The following NAAA variants were observed in gnomAD, a reference collection of about 807,000 sequenced individuals.
NAAA encodes the protein N-acylethanolamine-hydrolyzing acid amidase.
A neutral mutation model predicts 44.8 loss-of-function variants in NAAA; 39 were observed. The observed-to-expected ratio is 0.87, with a 90% confidence interval of 0.67 to 1.14. NAAA has a LOEUF of 1.14. Among genes scored for constraint, NAAA ranks in the 50% most tolerant of loss-of-function variants. NAAA has a pLI of 0.00. For synonymous variants in NAAA, 178 were observed against 191.3 expected (o/e 0.93, Z 0.58); for missense variants, 460 against 467.8 (o/e 0.98, Z 0.15).
chr4:75,914,938 T>C lies in NAAA; in HGVS notation c.1046A>G (p.Tyr349Cys), dbSNP rs767268796. The C allele has an allele frequency of 6.2e-7, 1 of 1,614,134 alleles. No individual in the cohort carries two copies. The highest frequency in any genetic ancestry group is 1.3e-5 in the African/African-American group (1 of 75,048). Reference sequence around the variant, plus strand: ...ACTCGGGTTTCTGATCCTAGTCATGTACTTGTCTGGGCTACCGGCGCTCAT... The same window carrying C: ...ACTCGGGTTTCTGATCCTAGTCATGCACTTGTCTGGGCTACCGGCGCTCAT... ...TVMSAGSPDK[Y>C]MTRIRNPSRK Residue 349 changes from tyrosine (Y) to cysteine (C), a missense_variant, in exon 10 of 11, where the codon TAC becomes TGC. By Grantham distance (194) the Tyr-to-Cys change is radical. Transcript: ENST00000286733.
chr4:75,932,122 G>A (rs11737465), intron 3 of NAAA, among the ~76,000 whole-genome samples: 1 of 152,302 alleles, frequency 6.6e-6, no homozygotes, highest in East Asian at 1.9e-4. Flanking sequence ...CCAGCTACTA[G>A]GGAGGCTGAG....
intron 4 of NAAA, among the ~76,000 whole-genome samples, chr4:75,927,588 G>A (rs2149266116): frequency 6.9e-6 from 1 of 144,368 alleles, no homozygotes; most frequent in East Asian, 2.2e-4. Context: ...AATATAGTGA[G>A]ACCTTGTTTC....
chr4:75,933,777 G>A (rs1238992767), intron 3 of NAAA, among the ~76,000 whole-genome samples: 1 of 152,004 alleles, frequency 6.6e-6, no homozygotes, highest in Non-Finnish European at 1.5e-5. Context: ...GCTCAAACCT[G>A]TAATCCCAGC....
At chr4:75,940,263 G>A in intron 1 of NAAA, 98 bp from the exon 2 acceptor site, 1 of 1,343,536 alleles carries the variant, frequency 7.4e-7, no homozygotes, top group Non-Finnish European at 1.0e-6. Flanking sequence ...TAGGGCGTGA[G>A]GTCTCAGGGC....
At chr4:75,918,822 T>C in intron 8 of NAAA, 33 bp from the exon 9 acceptor site, 4 of 1,587,518 alleles carry the variant, frequency 2.5e-6, no homozygotes, top group Non-Finnish European at 3.5e-6. Flanking sequence ...ATAGAGAAGA[T>C]TACATGGTAG....
intron 7 of NAAA, 98 bp downstream of exon 7, chr4:75,920,640 G>A: frequency 2.7e-5 from 39 of 1,439,828 alleles, no homozygotes; most frequent in Non-Finnish European, 3.8e-5. Flanking sequence ...TCTGGGAGAG[G>A]ATAGCACCCA....
intron 8 of NAAA, 111 bp from the exon 9 acceptor site, chr4:75,918,900 T>G (rs1459648260): frequency 2.9e-6 from 3 of 1,022,328 alleles, no homozygotes; most frequent in Non-Finnish European, 4.5e-6. Context: ...CCCAGCACTT[T>G]GGGAAGCCGA....
At chr4:75,940,706 C>T (rs2292533) in intron 1 of NAAA, 38 bp downstream of exon 1, 602,399 of 1,568,258 alleles carry the variant, frequency 0.38, 121,041 homozygotes, top group South Asian at 0.44. Flanking sequence ...CCCGCAGGGC[C>T]GGTGTCCCCG....
intron 4 of NAAA, among the ~76,000 whole-genome samples, chr4:75,928,787 T>A (rs1726965881): frequency 6.6e-6 from 1 of 151,450 alleles, no homozygotes; most frequent in African/African-American, 2.4e-5. Context: ...ATCCCTGCTT[T>A]TTTTTTTTCT....
At chr4:75,939,956 C>A (rs748112183) in intron 2 of NAAA, 45 bp downstream of exon 2, 1 of 1,604,286 alleles carries the variant, frequency 6.2e-7, no homozygotes, top group South Asian at 1.1e-5. Flanking sequence ...GTGTCGGGGG[C>A]CCCCGCAAGC....
chr4:75,926,040 A>G (rs988143433), intron 4 of NAAA, among the ~76,000 whole-genome samples: 2 of 151,000 alleles, frequency 1.3e-5, no homozygotes, highest in African/African-American at 4.9e-5. Context: ...AATAAATATT[A>G]GGAAGAACAT....
intron 2 of NAAA, among the ~76,000 whole-genome samples, chr4:75,936,863 T>C (rs1727767285): frequency 6.6e-6 from 1 of 152,238 alleles, no homozygotes; most frequent in African/African-American, 2.4e-5. Context: ...TATCTATCCA[T>C]ATTCTCTGAG....
intron 9 of NAAA, among the ~76,000 whole-genome samples, chr4:75,918,336 T>G (rs1725819763): frequency 6.6e-6 from 1 of 152,024 alleles, no homozygotes; most frequent in Non-Finnish European, 1.5e-5. Flanking sequence ...GAGCCTGTAG[T>G]CCCAGCCACT....
At chr4:75,940,343 G>T in intron 1 of NAAA, 178 bp from the exon 2 acceptor site, 2 of 505,834 alleles carry the variant, frequency 4.0e-6, no homozygotes, top group Non-Finnish European at 6.8e-6. Flanking sequence ...GGAGTGGGGG[G>T]AAGGGGGCGG....
intron 4 of NAAA, among the ~76,000 whole-genome samples, chr4:75,930,692 C>T (rs1366078773): frequency 6.6e-6 from 1 of 152,196 alleles, no homozygotes. Context: ...CCCTGGCCTA[C>T]AATCCCCCTA....
intron 5 of NAAA, among the ~76,000 whole-genome samples, chr4:75,921,526 C>T (rs1211176276): frequency 6.6e-6 from 1 of 152,146 alleles, no homozygotes; most frequent in Non-Finnish European, 1.5e-5. Flanking sequence ...GAATGAGTCG[C>T]CTGGTCCTAT....
rs1560495888 is a variant in NAAA, at chr4:75,914,253, A to G, written c.*122T>C. On this transcript the variant is annotated 3_prime_UTR_variant, in exon 11 of 11. Transcript: ENST00000286733. ...AAAGTTAAATGAGGAAGGAGCCTGCATTGTTTGTAACATAATACAATACTT... is the reference window on the plus strand; with the variant it reads ...AAAGTTAAATGAGGAAGGAGCCTGCGTTGTTTGTAACATAATACAATACTT... 3.0e-6 allele frequency: 3 copies of G among 985,644 alleles called. No homozygotes were observed. The highest frequency in any genetic ancestry group is 3.6e-6 in the Non-Finnish European group (3 of 829,870). The allele number at this position is 985,644 out of a possible 1,614,324, so 61.1% of individuals were successfully genotyped here.
At chr4:75,924,351 G>GT (rs1297653233) in intron 5 of NAAA, among the ~76,000 whole-genome samples, 1 of 152,180 alleles carries the variant, frequency 6.6e-6, no homozygotes, top group Non-Finnish European at 1.5e-5. Flanking sequence ...ACTGAGATGC[G>GT]TAACAGTCTG....
intron 5 of NAAA, among the ~76,000 whole-genome samples, chr4:75,925,260 CT>C (rs1190140154): frequency 6.6e-6 from 1 of 152,194 alleles, no homozygotes; most frequent in African/African-American, 2.4e-5. Flanking sequence ...TGGTCTCAAT[CT>C]CCTGACCTCG....
Sources: gnomAD v4.1 joint callset for allele counts (sites outside exome capture counted in the v4.1 genomes callset) on GRCh38, gnomAD v4.1.1 for gene constraint, MANE v1.5 for transcripts, NCBI Gene and HGNC (gene_info 2026-07-23, HGNC 2026-07-21) for gene names.